Variants in CEP104 observed in about 807,000 individuals in gnomAD.
CEP104 encodes the protein centrosomal protein of 104 kDa.
CEP104 carries 84 observed loss-of-function variants against 113.3 expected under a neutral mutation model. That is an observed-to-expected ratio of 0.74 (90% CI 0.62 to 0.89). The LOEUF (loss-of-function observed/expected upper bound fraction) is 0.89. CEP104 is among the 40% of genes least tolerant of loss of function. CEP104 has a pLI of 0.00. For missense variants in CEP104, 1,053 were observed against 1,156.6 expected (o/e 0.91, Z 1.30); for synonymous variants, 378 against 421.7 (o/e 0.90, Z 1.27).
At chr1:3,847,689 A>C (rs1644533499) in intron 3 of CEP104, 76 bp from the exon 4 acceptor site, 1 of 1,427,462 alleles carries the variant, frequency 7.0e-7, no homozygotes. Context: ...GATTGAACTC[A>C]ATAGGCTCAT....
intron 20 of CEP104, chr1:3,822,740 C>A: frequency 6.1e-6 from 1 of 165,098 alleles, no homozygotes; most frequent in South Asian, 1.6e-4. Flanking sequence ...TGCACTGGGG[C>A]AGGGAGGAGA....
chr1:3,823,505 C>G lies in CEP104; in HGVS notation c.2422G>C (p.Gly808Arg). 5.0e-6 allele frequency: 8 copies of G among 1,614,230 alleles called. No individual in the cohort carries two copies. The highest frequency in any genetic ancestry group is 6.8e-6 in the Non-Finnish European group (8 of 1,180,044). Reference protein sequence around the residue: ...HLLTECDKKDGFGKCYRCSEA... With the variant: ...HLLTECDKKDRFGKCYRCSEA... ...CTGCAACGGTAACACTTTCCAAACCCGTCTTTTTTGTCACATTCCGTCAGC... is the reference window on the plus strand; with the variant it reads ...CTGCAACGGTAACACTTTCCAAACCGGTCTTTTTTGTCACATTCCGTCAGC... The change falls in exon 19 of 22, where the codon GGG (glycine) becomes CGG (arginine). Residue 808 changes from glycine to arginine, a missense_variant. Coordinates refer to ENST00000378230, the MANE Select transcript of CEP104 (RefSeq NM_014704.4). The surrounding 1 kb of genome is among the most constrained non-coding windows in gnomAD (Gnocchi z 4.1).
intron 2 of CEP104, among the ~76,000 whole-genome samples, chr1:3,849,794 A>G (rs967961553): frequency 6.6e-6 from 1 of 152,190 alleles, no homozygotes; most frequent in Non-Finnish European, 1.5e-5. Context: ...TTATCTGAAC[A>G]TAAGGACAAT....
In CEP104 at chr1:3,815,328, A is replaced by T. The variant is rs978337067; in HGVS notation, c.*74T>A. On this transcript the variant is annotated 3_prime_UTR_variant, in exon 22 of 22. Transcript: ENST00000378230. ...GAGCATGGGGCCACCAAGGCCAGAG[A>T]GTTCTGGAGAGATGGTGTAGAATCA... 1.7e-5 allele frequency: 19 copies of T among 1,141,728 alleles called. No individual in the cohort carries two copies. In the African/African-American group the frequency reaches 2.3e-4, roughly 14 times the overall value. 70.7% of individuals were successfully genotyped at this position (1,141,728 alleles called of 1,614,324 possible). A position where few individuals can be genotyped will look rare whatever the true frequency, so the allele number is the denominator to read the frequency against.
chr1:3,833,053 C>T (rs1417142076), intron 12 of CEP104, among the ~76,000 whole-genome samples: 4 of 148,802 alleles, frequency 2.7e-5, no homozygotes, highest in African/African-American at 5.0e-5. Context: ...GGCGTGATCT[C>T]GGCTCACTGA....
intron 13 of CEP104, 94 bp from the exon 14 acceptor site, chr1:3,830,091 A>G: frequency 2.2e-6 from 2 of 897,410 alleles, no homozygotes; most frequent in Admixed American, 2.3e-5. Context: ...TGTGAAAAAT[A>G]AAAGAGAAAA....
intron 8 of CEP104, among the ~76,000 whole-genome samples, chr1:3,838,590 C>T (rs1258116648): frequency 1.3e-5 from 2 of 152,202 alleles, no homozygotes; most frequent in Non-Finnish European, 2.9e-5. Context: ...TCTCAATACA[C>T]CGAAGCTGTT....
chr1:3,822,230 TGACA>T (rs1557660630), intron 20 of CEP104, among the ~76,000 whole-genome samples: 1 of 151,138 alleles, frequency 6.6e-6, no homozygotes, highest in East Asian at 2.0e-4. Flanking sequence ...AGAGAGAGAC[TGACA>T]GACAGACAGA....
At chr1:3,825,646 G>T in intron 18 of CEP104, 112 bp downstream of exon 18, 1 of 712,850 alleles carries the variant, frequency 1.4e-6, no homozygotes, top group Non-Finnish European at 2.5e-6. Flanking sequence ...TACTTTTCTC[G>T]CAACCTCTCC....
chr1:3,828,267 G>C (rs1055908215), intron 15 of CEP104, among the ~76,000 whole-genome samples: 4 of 152,198 alleles, frequency 2.6e-5, no homozygotes, highest in African/African-American at 9.6e-5. Flanking sequence ...ATGAGTGTGT[G>C]CTGAGCCACT....
At chr1:3,824,235 C>T (rs958912504) in intron 18 of CEP104, among the ~76,000 whole-genome samples, 5 of 152,098 alleles carry the variant, frequency 3.3e-5, no homozygotes, top group Non-Finnish European at 7.4e-5. Context: ...TACAGGCATA[C>T]ACCACCACGC....
intron 1 of CEP104, among the ~76,000 whole-genome samples, chr1:3,853,767 A>G (rs992731496): frequency 2.0e-4 from 29 of 147,944 alleles, no homozygotes; most frequent in African/African-American, 7.6e-4. Context: ...ACAAAACTAA[A>G]CCAACTCAGA....
At position 3,837,518 on chromosome 1, in the gene CEP104, A is replaced by T. The variant is rs373541182; in HGVS notation, c.893T>A (p.Met298Lys). Residue 298 changes from methionine (M) to lysine (K), a missense_variant and splice_region_variant, in exon 9 of 22, where the codon ATG becomes AAG. Met to Lys is a moderately conservative substitution (Grantham distance 95). Transcript: ENST00000378230. ...GAGGGGCAAATCAAAAGGTCTTCGC[A>T]TCTAGAGAACAAAAAGGAACATTTA... ...ELHSLLDAEL[M>K]RRPFDLPLQP... 2 of 1,613,996 alleles carry T rather than the reference A, an allele frequency of 1.2e-6. No individual in the cohort carries two copies. The highest frequency in any genetic ancestry group is 1.7e-6 in the Non-Finnish European group (2 of 1,179,860).
intron 8 of CEP104, 24 bp downstream of exon 8, chr1:3,838,940 C>G (rs1168136776): frequency 6.2e-7 from 1 of 1,613,262 alleles, no homozygotes; most frequent in African/African-American, 1.3e-5. Context: ...CTTTCCTCCA[C>G]TCCGTCTGGG....
intron 13 of CEP104, among the ~76,000 whole-genome samples, chr1:3,830,317 G>A (rs574202715): frequency 2.5e-4 from 38 of 152,118 alleles, no homozygotes; most frequent in African/African-American, 9.2e-4. Flanking sequence ...TAGCCGATGT[G>A]CAGATTTCAG....
chr1:3,815,764 C>T (rs1442695339), intron 21 of CEP104, among the ~76,000 whole-genome samples: 1 of 152,024 alleles, frequency 6.6e-6, no homozygotes, highest in Non-Finnish European at 1.5e-5. Context: ...TATTGGCTCA[C>T]CACAACCTCC....
At chr1:3,841,485 C>A (rs568980096) in intron 6 of CEP104, among the ~76,000 whole-genome samples, 41 of 152,340 alleles carry the variant, frequency 2.7e-4, no homozygotes, top group African/African-American at 9.6e-4. Context: ...AGTCACGTTG[C>A]CTTGCTGTCC....
chr1:3,856,522 C>T (rs1644733802), intron 1 of CEP104, among the ~76,000 whole-genome samples: 1 of 152,240 alleles, frequency 6.6e-6, no homozygotes, highest in African/African-American at 2.4e-5. Context: ...AGGGACAGAG[C>T]AATTTTCCTC....
intron 3 of CEP104, among the ~76,000 whole-genome samples, chr1:3,848,128 C>G (rs954432264): frequency 6.6e-6 from 1 of 152,064 alleles, no homozygotes; most frequent in Non-Finnish European, 1.5e-5. Flanking sequence ...GAAATTATAG[C>G]GCTGCTTTTT....
Sources: allele counts gnomAD v4.1 joint callset (sites outside exome capture counted in the v4.1 genomes callset), GRCh38; gene constraint gnomAD v4.1.1; non-coding constraint Gnocchi (gnomAD v3.1); transcripts MANE v1.5; gene names NCBI Gene and HGNC (gene_info 2026-07-23, HGNC 2026-07-21).